SRF: variants seen among roughly 807,000 people sequenced by gnomAD.
SRF encodes c-fos serum response element-binding transcription factor.
In SRF, 7 loss-of-function variants were observed where a neutral mutation model predicts 37.1. The ratio of observed to expected loss-of-function variants is 0.19; its 90% CI spans 0.11 to 0.35. The LOEUF (loss-of-function observed/expected upper bound fraction) is 0.35, where lower values mean the gene tolerates loss of function less well. Among genes scored for constraint, SRF ranks in the 10% least tolerant of loss-of-function variants. SRF has a pLI of 1.00. For synonymous variants in SRF, 285 were observed against 310.1 expected, an observed-to-expected ratio of 0.92 and a Z score of 0.85; for missense variants, 395 against 694.4, an observed-to-expected ratio of 0.57 and a Z score of 4.85.
chr6:43,174,941 G>C (rs890002254), intron 2 of SRF, among the ~76,000 whole-genome samples: 4 of 152,164 alleles, frequency 2.6e-5, no homozygotes, highest in Non-Finnish European at 4.4e-5. Flanking sequence ...CAGTGCTGTA[G>C]GCTACCTCCT....
Position 43,176,728 on chromosome 6 carries a change from G to GGGTTAC in SRF, c.1162+61_1162+62insGGTTAC, listed in dbSNP as rs1772205335. 3 of 1,576,136 alleles carry GGGTTAC rather than the reference G, an allele frequency of 1.9e-6. No homozygotes were observed. The Admixed American group carries it at 5.2e-5, about 27-fold the overall frequency. On this transcript the variant is annotated intron_variant, in intron 4 of 6. Transcript: ENST00000265354. This position sits in a 1 kb window ranked among gnomAD's most constrained non-coding sequence, Gnocchi z 4.0. Reference sequence around the variant, plus strand: ...CTTCCCCCACGAGGCCTAGCAGTAGGTGCCCAACAGTAACCCTCCTGTAAC... The same window carrying GGGTTAC: ...CTTCCCCCACGAGGCCTAGCAGTAGGGGTTACTGCCCAACAGTAACCCTCCTGTAAC...
Position 43,174,068 on chromosome 6 carries a change from T to G in SRF, c.735T>G (p.Asp245Glu), listed in dbSNP as rs774043864. The G allele has an allele frequency of 1.2e-6, 2 of 1,614,024 alleles. No homozygotes were observed. Among genetic ancestry groups the G allele is most frequent in the Admixed American group, 1.7e-5 (1 of 60,002 alleles). The change falls in exon 2 of 7, where the codon GAT (aspartate) becomes GAG (glutamate). Residue 245 changes from aspartate (D) to glutamate (E), a missense_variant. By Grantham distance (45) the Asp-to-Glu change is conservative. This residue lies in a region of SRF where 20 missense variants were observed against 37.2 expected (regional missense o/e 0.54). Transcript: ENST00000265354. ...GTGCCACTGGCTTTGAAGAGACAGATCTCACCTACCAGGTGTCGGAGTCTG... is the reference window on the plus strand; with the variant it reads ...GTGCCACTGGCTTTGAAGAGACAGAGCTCACCTACCAGGTGTCGGAGTCTG... The part of the protein sequence containing the change: ...RMSATGFEET[D>E]LTYQVSESDS...
chr6:43,175,926 G>A lies in SRF; in HGVS notation c.1001G>A (p.Gly334Glu), dbSNP rs139891953. ...ACAGGCAGCGGCCCTGTCTCCTCTG[G>A]GGGCCTTATGCAGCTGCCTACCAGC... ...KSTGSGPVSS[G>E]GLMQLPTSFT... The change falls in exon 3 of 7, where the codon GGG becomes GAG. Residue 334 changes from glycine (G) to glutamate (E), a missense_variant. Physicochemically the swap from Gly to Glu is moderately conservative, Grantham distance 98. Coordinates refer to ENST00000265354, the MANE Select transcript of SRF (RefSeq NM_003131.4). 32 of 1,613,898 alleles carry A rather than the reference G, an allele frequency of 2.0e-5. No individual in the cohort carries two copies. The highest frequency in any genetic ancestry group is 2.6e-5 in the Non-Finnish European group (31 of 1,179,988).
Position 43,176,023 on chromosome 6 carries a change from TA to T in SRF, c.1042+58del. On this transcript the variant is annotated intron_variant, in intron 3 of 6. Transcript: ENST00000265354. The surrounding 1 kb of genome is among the most constrained non-coding windows in gnomAD (Gnocchi z 4.0). ...CCTTCCTGGGGCAAATCAAGCATGC[TA>T]AGAGTGTGTTTAGGGCTGGCACCAA... is the stretch of plus-strand genomic sequence containing the variant. 1 of 1,586,022 alleles carries T rather than the reference TA, an allele frequency of 6.3e-7. No homozygotes were observed.
chr6:43,173,286 C>T lies in SRF; in HGVS notation c.514-561C>T, dbSNP rs1772141730. Among the ~76,000 whole-genome samples the T allele has an allele frequency of 1.3e-5, 2 of 152,174 alleles. No homozygotes were observed. Among genetic ancestry groups the T allele is most frequent in the Admixed American group, 1.3e-4 (2 of 15,274 alleles). On this transcript the variant is annotated intron_variant, in intron 1 of 6. Coordinates refer to ENST00000265354, the MANE Select transcript of SRF (RefSeq NM_003131.4). This position sits in a 1 kb window ranked among gnomAD's most constrained non-coding sequence, Gnocchi z 4.2. Reference sequence around the variant, plus strand: ...GGGGGAGGTAATTAAGGAAAACTCTCTTCTCTCCTTCCATAACCTTCTTCC... The same window carrying T: ...GGGGGAGGTAATTAAGGAAAACTCTTTTCTCTCCTTCCATAACCTTCTTCC...
At position 43,171,927 on chromosome 6, in the gene SRF, C is replaced by A. The variant is rs1452258462; in HGVS notation, c.271C>A (p.Leu91Met). 1.4e-6 allele frequency: 2 copies of A among 1,468,370 alleles called. No homozygotes were observed. Among genetic ancestry groups the A allele is most frequent in the East Asian group, 5.5e-5 (2 of 36,378 alleles). 91.0% of individuals were successfully genotyped at this position (1,468,370 alleles called of 1,614,324 possible). The change falls in exon 1 of 7, where the codon CTG becomes ATG. Residue 91 changes from leucine (L) to methionine (M), a missense_variant. By Grantham distance (15) the Leu-to-Met change is conservative. Transcript: ENST00000265354. This position sits in a 1 kb window ranked among gnomAD's most constrained non-coding sequence, Gnocchi z 6.5. ...CTCGGAGTCGGGCGAGGAGGAGGAG[C>A]TGGGCGCCGAGCGGCGCGGCCTGAA... ...GDSESGEEEE[L>M]GAERRGLKRS...
rs112596376 is a variant in SRF at position 43,178,534 on chromosome 6, T to TACAC, written c.1354+65_1354+68dup. ...GAAAGGAGGACCGTTTCCTTCTTTATACACACACACACACACACATACACA... is the reference window on the plus strand; with the variant it reads ...GAAAGGAGGACCGTTTCCTTCTTTATACACACACACACACACACACACATACACA... On this transcript the variant is annotated intron_variant, in intron 5 of 6. Coordinates refer to ENST00000265354, the MANE Select transcript of SRF (RefSeq NM_003131.4). The surrounding 1 kb of genome is among the most constrained non-coding windows in gnomAD (Gnocchi z 4.3). The TACAC allele has an allele frequency of 3.6e-3, 5,381 of 1,506,790 alleles. 128 individuals are homozygous for TACAC. In the African/African-American group the frequency reaches 0.062, roughly 17 times the overall value. The allele number at this position is 1,506,790 out of a possible 1,614,324, so 93.3% of individuals were successfully genotyped here.
Position 43,174,069 on chromosome 6 carries a change from C to G in SRF, c.736C>G (p.Leu246Val). 1 of 1,614,200 alleles carries G rather than the reference C, an allele frequency of 6.2e-7. No individual in the cohort carries two copies. Among genetic ancestry groups the G allele is most frequent in the South Asian group, 1.1e-5 (1 of 91,090 alleles). ...MSATGFEETD[L>V]TYQVSESDSS... ...TGCCACTGGCTTTGAAGAGACAGAT[C>G]TCACCTACCAGGTGTCGGAGTCTGA... Residue 246 changes from leucine (L) to valine (V), a missense_variant, in exon 2 of 7, where the codon CTC becomes GTC. This residue lies in a region of SRF where 20 missense variants were observed against 37.2 expected (regional missense o/e 0.54). Transcript: ENST00000265354.
In SRF at chr6:43,177,228, G is replaced by GTTTTTTTTTTTTTTTTTTT. The variant is rs544658252; in HGVS notation, c.1162+578_1162+579insTTTTTTTTTTTTTTTTTTT. On this transcript the variant is annotated intron_variant, in intron 4 of 6. Transcript: ENST00000265354. ...CCCCAAACCTAGTGAATCGGAGTCT[G>GTTTTTTTTTTTTTTTTTTT]TTTTTTTTTTTTTTTTTGAGACGGA... Among the ~76,000 whole-genome samples, 39 of 116,806 alleles carry GTTTTTTTTTTTTTTTTTTT rather than the reference G, an allele frequency of 3.3e-4. 1 individual carries two copies. The highest frequency in any genetic ancestry group is 1.1e-3 in the African/African-American group (28 of 26,184). 76.6% of individuals were successfully genotyped at this position (116,806 alleles called of 152,430 possible). A position where few individuals can be genotyped will look rare whatever the true frequency, so the allele number is the denominator to read the frequency against.
Position 43,172,179 on chromosome 6 carries a change from C to G in SRF, c.513+10C>G. 1 of 1,606,692 alleles carries G rather than the reference C, an allele frequency of 6.2e-7. No homozygotes were observed. Reference sequence around the variant, plus strand: ...GGGCATCATGAAGAAGGTACCAAGCCGGGGGGCTGGCCGGCCCCGGGGCCC... The same window carrying G: ...GGGCATCATGAAGAAGGTACCAAGCGGGGGGGCTGGCCGGCCCCGGGGCCC... On this transcript the variant is annotated intron_variant, in intron 1 of 6. Transcript: ENST00000265354. This position sits in a 1 kb window ranked among gnomAD's most constrained non-coding sequence, Gnocchi z 5.7.
chr6:43,172,435 C>T lies in SRF; in HGVS notation c.513+266C>T, dbSNP rs1772126750. ...GACCGGCGCCAGAGAGGAAGAGGGC[C>T]CTTGCTGAGTGAAGGGGTGAGGAGC... On this transcript the variant is annotated intron_variant, in intron 1 of 6. Transcript: ENST00000265354. This position sits in a 1 kb window ranked among gnomAD's most constrained non-coding sequence, Gnocchi z 5.7. The T allele has an allele frequency of 6.1e-6, 6 of 985,188 alleles. No individual in the cohort carries two copies. The highest frequency in any genetic ancestry group is 7.2e-6 in the Non-Finnish European group (6 of 829,868). The allele number at this position is 985,188 out of a possible 1,614,324, so 61.0% of individuals were successfully genotyped here.
intron 2 of SRF, among the ~76,000 whole-genome samples, chr6:43,174,804 C>A (rs76774759): frequency 6.6e-6 from 1 of 152,312 alleles, no homozygotes; most frequent in Admixed American, 6.5e-5. Flanking sequence ...GCTTTGCAAA[C>A]GTCTCGTGCT....
At position 43,171,625 on chromosome 6, in the gene SRF, G is replaced by A; in HGVS notation, c.-32G>A. 1 of 1,194,342 alleles carries A rather than the reference G, an allele frequency of 8.4e-7. No homozygotes were observed. The highest frequency in any genetic ancestry group is 1.0e-6 in the Non-Finnish European group (1 of 962,480). 74.0% of individuals were successfully genotyped at this position (1,194,342 alleles called of 1,614,324 possible). A position where few individuals can be genotyped will look rare whatever the true frequency, so the allele number is the denominator to read the frequency against. On this transcript the variant is annotated 5_prime_UTR_variant, in exon 1 of 7. The change abolishes the stop of an existing upstream ORF in the 5' untranslated region. Coordinates refer to ENST00000265354, the MANE Select transcript of SRF (RefSeq NM_003131.4). The surrounding 1 kb of genome is among the most constrained non-coding windows in gnomAD (Gnocchi z 6.5). ...GCTGCGGCGGCTCCGATTCCTCGCT[G>A]ACTGCCCGTCCGCCCTCCTGCATCG...
chr6:43,174,323 T>C (rs998413225), intron 2 of SRF, among the ~76,000 whole-genome samples: 3 of 152,136 alleles, frequency 2.0e-5, no homozygotes, highest in African/African-American at 7.2e-5. Context: ...TAAGGCCGGC[T>C]TGGGCTCCAC....
rs1390859405 is a variant in SRF, at chr6:43,175,993, T to A, written c.1042+26T>A. 6 of 1,602,704 alleles carry A rather than the reference T, an allele frequency of 3.7e-6. No individual in the cohort carries two copies. The South Asian group carries it at 6.6e-5, about 18-fold the overall frequency. ...GTGAGTCACGAGGGGCAGGGAGAGA[T>A]TCGTCCTTCCTGGGGCAAATCAAGC... On this transcript the variant is annotated intron_variant, in intron 3 of 6. Transcript: ENST00000265354.
At chr6:43,177,286 G>A (rs1046951154) in intron 4 of SRF, among the ~76,000 whole-genome samples, 119 of 144,868 alleles carry the variant, frequency 8.2e-4, no homozygotes, top group Admixed American at 1.6e-3. Context: ...CTGGAGTGCA[G>A]TGGCACCATC....
rs1370869231 is a variant in SRF, at chr6:43,178,081, G to A, written c.1163-213G>A. ...CAGTAGATAGACAATTGAATAAATA[G>A]TACAATGTGATAGGATACAATTAAA... On this transcript the variant is annotated intron_variant, in intron 4 of 6. Transcript: ENST00000265354. This position sits in a 1 kb window ranked among gnomAD's most constrained non-coding sequence, Gnocchi z 4.3. Among the ~76,000 whole-genome samples the A allele has an allele frequency of 6.6e-6, 1 of 152,132 alleles. No homozygotes were observed. Among genetic ancestry groups the A allele is most frequent in the Non-Finnish European group, 1.5e-5 (1 of 68,032 alleles).
chr6:43,172,076 C>T lies in SRF; in HGVS notation c.420C>T (p.Thr140=). ...AVSGAKPGKK[T]RGRVKIKMEF... Reference sequence around the variant, plus strand: ...GCGGGGCCAAGCCGGGTAAGAAGACCCGGGGCCGCGTGAAGATCAAGATGG... The same window carrying T: ...GCGGGGCCAAGCCGGGTAAGAAGACTCGGGGCCGCGTGAAGATCAAGATGG... The change falls in exon 1 of 7, where the codon ACC becomes ACT. Residue 140 remains threonine, a synonymous_variant. Coordinates refer to ENST00000265354, the MANE Select transcript of SRF (RefSeq NM_003131.4). The surrounding 1 kb of genome is among the most constrained non-coding windows in gnomAD (Gnocchi z 5.7). 6.2e-7 allele frequency: 1 copy of T among 1,611,448 alleles called. No homozygotes were observed. The highest frequency in any genetic ancestry group is 8.5e-7 in the Non-Finnish European group (1 of 1,179,482).
Position 43,173,840 on chromosome 6 carries a change from C to G in SRF, c.514-7C>G. The G allele has an allele frequency of 6.2e-7, 1 of 1,610,912 alleles. No homozygotes were observed. The highest frequency in any genetic ancestry group is 8.5e-7 in the Non-Finnish European group (1 of 1,177,524). The stretch of plus-strand genomic sequence containing the variant: ...CTGACCTGCCCATCTCCCTCCTCAC[C>G]CCTCAGGCCTATGAGCTGTCCACGC... On this transcript the variant is annotated splice_region_variant and splice_polypyrimidine_tract_variant and intron_variant, in intron 1 of 6. Transcript: ENST00000265354. This position sits in a 1 kb window ranked among gnomAD's most constrained non-coding sequence, Gnocchi z 4.2.
Sources: allele counts gnomAD v4.1 joint callset (sites outside exome capture counted in the v4.1 genomes callset), GRCh38; gene constraint gnomAD v4.1.1; regional missense constraint gnomAD v4.1.1; non-coding constraint Gnocchi (gnomAD v3.1); transcripts MANE v1.5; gene names NCBI Gene and HGNC (gene_info 2026-07-23, HGNC 2026-07-21).